The following CTNNA2 variants were observed in gnomAD, a reference collection of about 807,000 sequenced individuals.
CTNNA2 encodes the protein catenin alpha 2, also known as catenin alpha-2.
CTNNA2 carries 42 observed loss-of-function variants against 101.0 expected under a neutral mutation model. The ratio of observed to expected loss-of-function variants is 0.42; its 90% confidence interval spans 0.32 to 0.54. The LOEUF is 0.54. CTNNA2 is among the 20% of genes least tolerant of loss of function. The pLI is 0.14. For synonymous variants in CTNNA2, 450 were observed against 456.4 expected (o/e 0.99, Z 0.18); for missense variants, 871 against 1,223.1 (o/e 0.71, Z 4.29).
chr2:79,493,878 C>T (rs1429913143), intron 4 of CTNNA2: 1 of 152,032 alleles, frequency 6.6e-6, no homozygotes, highest in Non-Finnish European at 1.5e-5. Flanking sequence ...TTTGAACTTG[C>T]TGCTTATGTA....
chr2:80,387,206 A>G (rs554885620), intron 7 of CTNNA2, among the ~76,000 whole-genome samples: 147 of 152,086 alleles, frequency 9.7e-4, no homozygotes, highest in African/African-American at 2.9e-3. Flanking sequence ...GGAGAATGGC[A>G]TGAACCCGGG....
intron 8 of CTNNA2, among the ~76,000 whole-genome samples, chr2:80,415,271 C>A (rs964069781): frequency 6.6e-5 from 10 of 152,110 alleles, no homozygotes; most frequent in African/African-American, 2.4e-4. Context: ...GCCATGGGAG[C>A]CTCCTGTTAT....
At chr2:79,493,514 G>C (rs191932402) in intron 4 of CTNNA2, among the ~76,000 whole-genome samples, 164 of 152,244 alleles carry the variant, frequency 1.1e-3, no homozygotes, top group Admixed American at 1.7e-3. Context: ...TACTCGGGAG[G>C]CTGAGGCAGA....
Position 80,606,227 on chromosome 2 carries a change from T to A in CTNNA2, c.2296-1957T>A, listed in dbSNP as rs997236271. 2.0e-5 allele frequency among the ~76,000 whole-genome samples: 3 copies of A among 151,994 alleles called. No individual in the cohort carries two copies. The East Asian group carries it at 5.8e-4, about 30-fold the overall frequency. ...CTTTAAATCTCAATGGTCAAAAGTA[T>A]TTCTCGGCATCTTTAGGCCCTTCAA... On this transcript the variant is annotated intron_variant, in intron 16 of 18. Coordinates refer to ENST00000402739, the MANE Select transcript of CTNNA2 (RefSeq NM_001282597.3).
chr2:79,345,108 T>A lies in CTNNA2; in HGVS notation c.-317-28723T>A, dbSNP rs533107318. ...TTTTATTATGGAATGTGTTTTTTTTTAAAAAAAAAAGCAAAATGTAACAAA... is the reference window on the plus strand; with the variant it reads ...TTTTATTATGGAATGTGTTTTTTTTAAAAAAAAAAAGCAAAATGTAACAAA... On this transcript the variant is annotated intron_variant, in intron 3 of 21. Coordinates refer to the CTNNA2 transcript ENST00000466387. Among the ~76,000 whole-genome samples the A allele has an allele frequency of 1.6e-3, 242 of 147,132 alleles. 1 individual carries two copies. The highest frequency in any genetic ancestry group is 1.6e-3 in the Non-Finnish European group (106 of 67,174).
chr2:79,504,569 C>T (rs779016279), intron 4 of CTNNA2, among the ~76,000 whole-genome samples: 3 of 152,158 alleles, frequency 2.0e-5, no homozygotes, highest in Non-Finnish European at 2.9e-5. Flanking sequence ...CGATTACATC[C>T]GTGAGCCACC....
chr2:79,187,441 C>A (rs1173834793), intron 1 of CTNNA2, among the ~76,000 whole-genome samples: 5 of 151,282 alleles, frequency 3.3e-5, no homozygotes, highest in African/African-American at 4.9e-5. Flanking sequence ...TAGCTGGGAC[C>A]ACAAGGACGC....
At chr2:80,241,587 A>ATATCTATCTATC (rs3067148) in intron 7 of CTNNA2, among the ~76,000 whole-genome samples, 3,532 of 148,384 alleles carry the variant, frequency 0.024, 50 homozygotes, top group African/African-American at 0.042. Context: ...TGCATCTATT[A>ATATCTATCTATC]TATCTATCTA....
At chr2:79,566,401 ACT>A (rs1675115312) in intron 1 of CTNNA2, among the ~76,000 whole-genome samples, 1 of 152,012 alleles carries the variant, frequency 6.6e-6, no homozygotes, top group South Asian at 2.1e-4. Context: ...TATAAAAAAC[ACT>A]CTTTGTTATG....
At chr2:79,982,214 A>G (rs504150) in intron 7 of CTNNA2, among the ~76,000 whole-genome samples, 5 of 36,994 alleles carry the variant, frequency 1.4e-4, no homozygotes, top group African/African-American at 2.2e-4. Flanking sequence ...ATATATATAT[A>G]TATATATATA....
At chr2:80,581,682 T>A (rs1695557484) in intron 13 of CTNNA2, 24 bp from the exon 14 acceptor site, 1 of 1,425,610 alleles carries the variant, frequency 7.0e-7, no homozygotes, top group Admixed American at 1.7e-5. Flanking sequence ...TTAAGTATGC[T>A]GACTTATATC....
chr2:79,242,989 TATATACACACAC>T (rs1359363310), intron 2 of CTNNA2, among the ~76,000 whole-genome samples: 2 of 92,108 alleles, frequency 2.2e-5, no homozygotes, highest in African/African-American at 6.9e-5. Context: ...TATATATATA[TATATACACACAC>T]ACACACACAC....
At chr2:80,626,829 A>G (rs1467818065) in intron 18 of CTNNA2, among the ~76,000 whole-genome samples, 1 of 151,872 alleles carries the variant, frequency 6.6e-6, no homozygotes, top group African/African-American at 2.4e-5. Flanking sequence ...CCTGTCATCT[A>G]CTTTAGATAT....
At chr2:80,269,641 A>T (rs562885832) in intron 7 of CTNNA2, among the ~76,000 whole-genome samples, 105 of 152,264 alleles carry the variant, frequency 6.9e-4, no homozygotes, top group African/African-American at 2.5e-3. Context: ...TTCAACTATG[A>T]ATTTTTTTTC....
intron 2 of CTNNA2, among the ~76,000 whole-genome samples, chr2:79,732,982 C>A (rs1687298352): frequency 6.6e-6 from 1 of 152,140 alleles, no homozygotes; most frequent in African/African-American, 2.4e-5. Context: ...GCTCACATTT[C>A]ATTGGCTAGA....
At chr2:80,453,243 G>GC (rs1229540985) in intron 9 of CTNNA2, among the ~76,000 whole-genome samples, 8 of 152,118 alleles carry the variant, frequency 5.3e-5, no homozygotes, top group Non-Finnish European at 1.0e-4. Flanking sequence ...GGTTGAGCAG[G>GC]CTGAGTACTG....
intron 3 of CTNNA2, among the ~76,000 whole-genome samples, chr2:79,349,778 A>G (rs1381446597): frequency 1.3e-5 from 2 of 152,176 alleles, no homozygotes; most frequent in Non-Finnish European, 2.9e-5. Flanking sequence ...AGTATTGAGA[A>G]ACCATTATAT....
intron 7 of CTNNA2, among the ~76,000 whole-genome samples, chr2:80,088,573 A>G (rs887048877): frequency 3.9e-5 from 6 of 152,134 alleles, no homozygotes; most frequent in Admixed American, 6.5e-5. Context: ...GGGAATAAAT[A>G]TAATATACTT....
In CTNNA2 at chr2:80,515,139, T is replaced by C. The variant is rs1438873750; in HGVS notation, c.1291-29843T>C. On this transcript the variant is annotated intron_variant, in intron 9 of 18. Transcript: ENST00000402739. ...TCTTATGGTACCAACAATTTCTAGG[T>C]GAATTGCCCATCTTTTTTTTTTTTT... 2.0e-5 allele frequency among the ~76,000 whole-genome samples: 3 copies of C among 151,804 alleles called. No individual in the cohort carries two copies. In the South Asian group the frequency reaches 6.2e-4, roughly 32 times the overall value.
Sources: gnomAD v4.1 joint callset for allele counts (sites outside exome capture counted in the v4.1 genomes callset) on GRCh38, gnomAD v4.1.1 for gene constraint, MANE v1.5 for transcripts, NCBI Gene and HGNC (gene_info 2026-07-23, HGNC 2026-07-21) for gene names.